Variants in URI1 observed in about 807,000 individuals in gnomAD.
The protein encoded by URI1 is URI1 prefoldin like chaperone.
Under a neutral mutation model 60.2 loss-of-function variants are expected in URI1, and 39 were observed. That is an observed-to-expected ratio of 0.65 (90% confidence interval 0.50 to 0.85). The LOEUF (loss-of-function observed/expected upper bound fraction) is 0.85. URI1 is among the 40% of genes least tolerant of loss of function. The pLI, the probability that URI1 is intolerant of heterozygous loss-of-function variation, is 0.00. For synonymous variants in URI1, 251 were observed against 236.8 expected, an observed-to-expected ratio of 1.06 and a Z score of -0.55; for missense variants, 691 against 665.9, an observed-to-expected ratio of 1.04 and a Z score of -0.42.
chr19:29,963,308 A>G (rs976855089), intron 1 of URI1, among the ~76,000 whole-genome samples: 3 of 151,654 alleles, frequency 2.0e-5, no homozygotes, highest in Non-Finnish European at 4.4e-5. Context: ...TTATTTTTGA[A>G]TCTCTGGGCT....
chr19:29,933,501 T>G (rs1468691897), intron 1 of URI1, among the ~76,000 whole-genome samples: 2 of 152,206 alleles, frequency 1.3e-5, no homozygotes, highest in Admixed American at 6.5e-5. Context: ...TCTTTTTTTC[T>G]TAGTCAATTT....
intron 10 of URI1, 134 bp downstream of exon 10, chr19:30,012,665 A>G (rs2056037864): frequency 6.3e-6 from 7 of 1,103,652 alleles, no homozygotes; most frequent in Middle Eastern, 3.0e-4. Context: ...ATAAAAAATT[A>G]ATAGTCACAA....
At chr19:29,989,368 C>T (rs1253603616) in intron 4 of URI1, among the ~76,000 whole-genome samples, 2 of 151,236 alleles carry the variant, frequency 1.3e-5, no homozygotes, top group Non-Finnish European at 2.9e-5. Flanking sequence ...CCGCCTCAGC[C>T]TCTGAAAGTG....
intron 4 of URI1, among the ~76,000 whole-genome samples, chr19:30,002,132 T>C (rs535730408): frequency 6.6e-6 from 1 of 152,160 alleles, no homozygotes; most frequent in East Asian, 1.9e-4. Context: ...TCAGTACATA[T>C]GAATATATGG....
At chr19:29,953,865 T>C (rs1053724859) in intron 1 of URI1, among the ~76,000 whole-genome samples, 3 of 152,110 alleles carry the variant, frequency 2.0e-5, no homozygotes, top group Non-Finnish European at 4.4e-5. Context: ...GTTTTTTTTT[T>C]CTTAATAGGA....
intron 1 of URI1, among the ~76,000 whole-genome samples, chr19:29,943,343 G>T (rs1599657429): frequency 6.6e-6 from 1 of 152,118 alleles, no homozygotes. Flanking sequence ...GTGTTTCCTA[G>T]TGGGACTTTA....
At chr19:29,953,139 T>C (rs1357460502) in intron 1 of URI1, among the ~76,000 whole-genome samples, 2 of 152,218 alleles carry the variant, frequency 1.3e-5, no homozygotes, top group Non-Finnish European at 2.9e-5. Flanking sequence ...TAATTTATGC[T>C]CTCATTTCAC....
chr19:29,989,631 C>T (rs1032583060), intron 4 of URI1, among the ~76,000 whole-genome samples: 2 of 152,238 alleles, frequency 1.3e-5, no homozygotes, highest in Middle Eastern at 3.4e-3. Flanking sequence ...CCATGTTGGT[C>T]AGGCTGGTCT....
At chr19:29,946,328 A>G (rs1270410655) in intron 1 of URI1, among the ~76,000 whole-genome samples, 2 of 152,138 alleles carry the variant, frequency 1.3e-5, no homozygotes, top group Non-Finnish European at 2.9e-5. Context: ...GATTCTAAGA[A>G]TTGCATTATG....
At chr19:29,980,944 A>G (rs2055589886) in intron 2 of URI1, among the ~76,000 whole-genome samples, 1 of 134,862 alleles carries the variant, frequency 7.4e-6, no homozygotes, top group East Asian at 2.2e-4. Flanking sequence ...AAAAAAAAAA[A>G]GTTCAATGTT....
intron 1 of URI1, among the ~76,000 whole-genome samples, chr19:29,960,440 T>G (rs2055308066): frequency 6.6e-6 from 1 of 152,200 alleles, no homozygotes; most frequent in Admixed American, 6.5e-5. Context: ...TTATATATTT[T>G]ACAGCTATGT....
chr19:29,970,054 A>G (rs143879758), intron 1 of URI1, among the ~76,000 whole-genome samples: 61 of 151,988 alleles, frequency 4.0e-4, no homozygotes, highest in African/African-American at 1.4e-3. Flanking sequence ...AATGTCCCAA[A>G]AGAGGACATT....
chr19:29,935,198 G>A lies in URI1; in HGVS notation c.63+11444G>A, dbSNP rs376521806. Among the ~76,000 whole-genome samples the A allele has an allele frequency of 2.8e-4, 42 of 151,532 alleles. 1 individual carries two copies. In the South Asian group the frequency reaches 5.0e-3, roughly 18 times the overall value. On this transcript the variant is annotated intron_variant, in intron 1 of 10. Transcript: ENST00000360605. ...TATATTTTTTAGTTATTTTCTTAGC[G>A]GTTGCCTTGGGGATCACAATTAGCA...
At chr19:29,990,542 G>A (rs162949) in intron 4 of URI1, among the ~76,000 whole-genome samples, 145,822 of 152,352 alleles carry the variant, frequency 0.96, 69,804 homozygotes, top group East Asian at 1. Flanking sequence ...GTACATCCAT[G>A]CAGTGGAATG....
At chr19:29,945,072 A>G (rs2055086384) in intron 1 of URI1, among the ~76,000 whole-genome samples, 1 of 151,992 alleles carries the variant, frequency 6.6e-6, no homozygotes, top group Non-Finnish European at 1.5e-5. Flanking sequence ...TGAATCAAAC[A>G]TGCTTTTAAG....
intron 2 of URI1, among the ~76,000 whole-genome samples, chr19:29,974,009 T>C (rs1238103917): frequency 6.6e-6 from 1 of 152,182 alleles, no homozygotes; most frequent in African/African-American, 2.4e-5. Context: ...CACTAGTGGC[T>C]GATTATTTTG....
chr19:29,992,195 G>A (rs2055755111), intron 4 of URI1, among the ~76,000 whole-genome samples: 1 of 152,084 alleles, frequency 6.6e-6, no homozygotes, highest in South Asian at 2.1e-4. Flanking sequence ...TCAGCCTCCC[G>A]AGTAGTGGGG....
Position 30,011,165 on chromosome 19 carries a change from A to C in URI1, c.1107A>C (p.Arg369=). Residue 369 remains arginine (R), a synonymous_variant, in exon 9 of 11, where the codon CGA becomes CGC. Coordinates refer to ENST00000392271, the MANE Select transcript of URI1 (RefSeq NM_003796.3). ...AGAAAGAAGAAGCCAAACGTAAACG[A>C]AAGAACAGCACTGGCAGTGGCCACT... ...SEKKEEAKRK[R]KNSTGSGHSA... The C allele has an allele frequency of 1.2e-6, 2 of 1,613,090 alleles. No homozygotes were observed. Among genetic ancestry groups the C allele is most frequent in the Non-Finnish European group, 1.7e-6 (2 of 1,179,662 alleles).
rs777790501 is a variant in URI1, at chr19:29,951,572, CAG to C, written c.117+8911_117+8912del. ...GCATTCTTTTTTTTTTTTTTTGAGA[CAG>C]AGTTTCTTGTTGCCTAGGCTGGAGT... is the stretch of plus-strand genomic sequence containing the variant. On this transcript the variant is annotated intron_variant, in intron 1 of 10. Coordinates refer to ENST00000392271, the MANE Select transcript of URI1 (RefSeq NM_003796.3). Among the ~76,000 whole-genome samples, 165 of 147,890 alleles carry C rather than the reference CAG, an allele frequency of 1.1e-3. 1 individual carries two copies. Among genetic ancestry groups the C allele is most frequent in the Non-Finnish European group, 2.1e-3 (143 of 67,172 alleles).
Sources: gnomAD v4.1 joint callset for allele counts (sites outside exome capture counted in the v4.1 genomes callset) on GRCh38, gnomAD v4.1.1 for gene constraint, MANE v1.5 for transcripts, NCBI Gene and HGNC (gene_info 2026-07-23, HGNC 2026-07-21) for gene names.